Variants in RBFOX1 observed in about 807,000 individuals in gnomAD.
The protein encoded by RBFOX1 is RNA binding protein fox-1 homolog 1.
RBFOX1 carries 8 observed loss-of-function variants against 57.7 expected under a neutral mutation model. The ratio of observed to expected loss-of-function variants is 0.14; its 90% CI spans 0.08 to 0.25. The LOEUF (loss-of-function observed/expected upper bound fraction) is 0.25. Ranked by LOEUF, RBFOX1 falls within the 10% of genes least tolerant of loss-of-function variation. The probability of loss-of-function intolerance (pLI) is 1.00; values close to 1 mark genes in which losing one functional copy is unlikely to be tolerated. For synonymous variants in RBFOX1, 326 were observed against 222.4 expected, an observed-to-expected ratio of 1.47 and a Z score of -4.15; for missense variants, 611 against 548.5, an observed-to-expected ratio of 1.11 and a Z score of -1.14.
intron 2 of RBFOX1, among the ~76,000 whole-genome samples, chr16:6,606,567 C>G (rs994555890): frequency 2.6e-5 from 4 of 152,236 alleles, no homozygotes; most frequent in African/African-American, 7.2e-5. Context: ...CTCCCTGTGT[C>G]CATGTGTTCT....
At chr16:5,950,899 G>C (rs942257106) in intron 4 of RBFOX1, among the ~76,000 whole-genome samples, 1 of 152,130 alleles carries the variant, frequency 6.6e-6, no homozygotes, top group Non-Finnish European at 1.5e-5. Flanking sequence ...TGGGGGAGGG[G>C]CATCCAACCC....
At chr16:6,942,867 T>C (rs1597933752) in intron 3 of RBFOX1, among the ~76,000 whole-genome samples, 1 of 152,290 alleles carries the variant, frequency 6.6e-6, no homozygotes, top group South Asian at 2.1e-4. Context: ...TACATGGGTG[T>C]AGTGTGATGC....
chr16:6,282,861 G>C (rs914047828), intron 1 of RBFOX1, among the ~76,000 whole-genome samples: 1 of 152,140 alleles, frequency 6.6e-6, no homozygotes, highest in Non-Finnish European at 1.5e-5. Context: ...TTTGTTATTT[G>C]CCAACTACTT....
intron 1 of RBFOX1, among the ~76,000 whole-genome samples, chr16:6,306,782 A>T (rs907381660): frequency 1.3e-5 from 2 of 152,168 alleles, no homozygotes; most frequent in African/African-American, 4.8e-5. Context: ...GCAGGAATTA[A>T]AAGTTGTCGT....
intron 4 of RBFOX1, among the ~76,000 whole-genome samples, chr16:7,167,462 G>C (rs1386455326): frequency 6.6e-6 from 1 of 152,078 alleles, no homozygotes; most frequent in Non-Finnish European, 1.5e-5. Flanking sequence ...AGCTAAGAGT[G>C]ATGCAGCCAC....
intron 2 of RBFOX1, among the ~76,000 whole-genome samples, chr16:6,435,774 C>T (rs2153015114): frequency 6.6e-6 from 1 of 152,186 alleles, no homozygotes; most frequent in South Asian, 2.1e-4. Flanking sequence ...TGATTGGGGT[C>T]TAGATTGTTC....
intron 4 of RBFOX1, among the ~76,000 whole-genome samples, chr16:5,972,969 G>T (rs775353314): frequency 6.6e-6 from 1 of 152,134 alleles, no homozygotes; most frequent in South Asian, 2.1e-4. Context: ...GTTGAGTCCC[G>T]TATAGCTACA....
At chr16:6,169,826 G>A (rs1282272722) in intron 1 of RBFOX1, among the ~76,000 whole-genome samples, 3 of 142,510 alleles carry the variant, frequency 2.1e-5, no homozygotes, top group Non-Finnish European at 3.1e-5. Flanking sequence ...GTGCAGTGGT[G>A]CAATCTCAGC....
chr16:5,616,829 C>A (rs993979275), intron 3 of RBFOX1, among the ~76,000 whole-genome samples: 27 of 149,428 alleles, frequency 1.8e-4, no homozygotes, highest in African/African-American at 6.7e-4. Context: ...CCTCTTCTTT[C>A]TCTTTCTTCT....
intron 2 of RBFOX1, among the ~76,000 whole-genome samples, chr16:6,544,252 G>T (rs1376331356): frequency 1.3e-5 from 2 of 152,142 alleles, no homozygotes; most frequent in Non-Finnish European, 2.9e-5. Context: ...GTACTTCTTG[G>T]CCACCACAGG....
intron 14 of RBFOX1, among the ~76,000 whole-genome samples, chr16:7,690,204 A>C (rs751878221): frequency 6.6e-6 from 1 of 152,130 alleles, no homozygotes; most frequent in Admixed American, 6.6e-5. Flanking sequence ...CAGAAACCTC[A>C]GGAATGGGCC....
intron 2 of RBFOX1, among the ~76,000 whole-genome samples, chr16:6,541,450 C>G (rs2096817455): frequency 6.6e-6 from 1 of 152,164 alleles, no homozygotes; most frequent in Non-Finnish European, 1.5e-5. Context: ...GTGCAGGGAT[C>G]AGACAGTGAA....
At chr16:6,106,176 G>C (rs1035320771) in intron 1 of RBFOX1, among the ~76,000 whole-genome samples, 3 of 152,034 alleles carry the variant, frequency 2.0e-5, no homozygotes, top group Admixed American at 1.3e-4. Context: ...GGTAGTTTTG[G>C]CCGGGCCCAG....
intron 2 of RBFOX1, among the ~76,000 whole-genome samples, chr16:6,458,676 G>A (rs1398486007): frequency 6.6e-6 from 1 of 152,186 alleles, no homozygotes; most frequent in African/African-American, 2.4e-5. Flanking sequence ...TCAAACCACA[G>A]GGAAAACAAG....
chr16:5,798,597 A>C (rs1375507967), intron 3 of RBFOX1, among the ~76,000 whole-genome samples: 1 of 152,214 alleles, frequency 6.6e-6, no homozygotes, highest in East Asian at 1.9e-4. Flanking sequence ...CAGGAACTGG[A>C]CGTTGGGTCT....
chr16:6,537,238 C>A (rs147183067), intron 2 of RBFOX1, among the ~76,000 whole-genome samples: 1 of 152,058 alleles, frequency 6.6e-6, no homozygotes, highest in African/African-American at 2.4e-5. Flanking sequence ...AGGTGTTGTT[C>A]CTGATGCCGG....
At chr16:6,757,703 A>T (rs2076022819) in intron 3 of RBFOX1, among the ~76,000 whole-genome samples, 1 of 152,128 alleles carries the variant, frequency 6.6e-6, no homozygotes. Flanking sequence ...ATATGGTTAG[A>T]TAGGAGTGAG....
intron 3 of RBFOX1, among the ~76,000 whole-genome samples, chr16:6,846,882 T>C (rs2093783803): frequency 6.6e-6 from 1 of 151,366 alleles, no homozygotes; most frequent in Non-Finnish European, 1.5e-5. Flanking sequence ...GGAAGAAAAT[T>C]ACAAAGGGAA....
intron 1 of RBFOX1, among the ~76,000 whole-genome samples, chr16:5,265,984 C>G (rs1281327079): frequency 6.6e-6 from 1 of 151,886 alleles, no homozygotes; most frequent in Non-Finnish European, 1.5e-5. Context: ...AGAAAAATCA[C>G]TTGAAAATGA....
Sources: allele counts gnomAD v4.1 joint callset (sites outside exome capture counted in the v4.1 genomes callset), GRCh38; gene constraint gnomAD v4.1.1; transcripts MANE v1.5; gene names NCBI Gene and HGNC (gene_info 2026-07-23, HGNC 2026-07-21).